The following ZNF532 variants were observed in gnomAD, a reference collection of about 807,000 sequenced individuals.
ZNF532 encodes zinc finger protein 532.
Under a neutral mutation model 89.3 loss-of-function variants are expected in ZNF532, and 22 were observed. That is an observed-to-expected ratio of 0.25 (90% CI 0.18 to 0.35). The LOEUF is 0.35. ZNF532 is among the 10% of genes least tolerant of loss of function. The pLI is 1.00. For missense variants in ZNF532, 1,132 were observed against 1,643.4 expected, an observed-to-expected ratio of 0.69 and a Z score of 5.38; for synonymous variants, 606 against 649.6, an observed-to-expected ratio of 0.93 and a Z score of 1.02.
intron 7 of ZNF532, among the ~76,000 whole-genome samples, chr18:58,972,693 ATCGC>A (rs1236032233): frequency 6.6e-6 from 1 of 151,902 alleles, no homozygotes; most frequent in Non-Finnish European, 1.5e-5. Context: ...TCATTCATTC[ATCGC>A]TCGCCTCTAT....
intron 2 of ZNF532, among the ~76,000 whole-genome samples, chr18:58,887,275 C>T (rs7230679): frequency 0.22 from 34,144 of 152,194 alleles, 4,418 homozygotes; most frequent in Middle Eastern, 0.41. Context: ...TGCAGAACCA[C>T]GGTTTTGAAA....
At chr18:58,916,591 C>A in intron 2 of ZNF532, 3 of 455,886 alleles carry the variant, frequency 6.6e-6, no homozygotes, top group Non-Finnish European at 8.7e-6. Flanking sequence ...ACTTCTTCAG[C>A]TCGGTATTAA....
intron 7 of ZNF532, among the ~76,000 whole-genome samples, chr18:58,968,089 A>G (rs73959548): frequency 0.032 from 4,810 of 152,276 alleles, 278 homozygotes; most frequent in African/African-American, 0.11. Flanking sequence ...CACTTAAGAC[A>G]TTTGTAGTTC....
At chr18:58,979,197 G>C (rs1421219936) in intron 8 of ZNF532, 30 bp downstream of exon 8, 4 of 1,582,304 alleles carry the variant, frequency 2.5e-6, no homozygotes, top group Non-Finnish European at 2.6e-6. Flanking sequence ...GGAACGCAGT[G>C]AGAGGACTCA....
chr18:58,929,485 ATTAGC>A (rs985218159), intron 3 of ZNF532, among the ~76,000 whole-genome samples: 1 of 152,224 alleles, frequency 6.6e-6, no homozygotes, highest in Non-Finnish European at 1.5e-5. Context: ...AAATACCCTT[ATTAGC>A]TGAAGACTTG....
intron 7 of ZNF532, among the ~76,000 whole-genome samples, chr18:58,956,307 G>A (rs1452445019): frequency 6.6e-6 from 1 of 152,192 alleles, no homozygotes; most frequent in Non-Finnish European, 1.5e-5. Context: ...CTTTGAAGGA[G>A]TTGAGGCCCT....
Position 58,918,770 on chromosome 18 carries a change from G to A in ZNF532, c.483G>A (p.Ser161=), listed in dbSNP as rs769202851. The change falls in exon 3 of 10, where the codon TCG becomes TCA. Residue 161 remains serine (S), a synonymous_variant. Transcript: ENST00000591808. The part of the protein sequence containing the change: ...DKEDMRSSFR[S]NVLTGSAPQQ... ...AGGACATGCGATCAAGCTTCAGGTCGAATGTGTTGACGGGGTCGGCTCCCC... is the reference window on the plus strand; with the variant it reads ...AGGACATGCGATCAAGCTTCAGGTCAAATGTGTTGACGGGGTCGGCTCCCC... The A allele has an allele frequency of 2.5e-5, 40 of 1,614,068 alleles. No homozygotes were observed. The highest frequency in any genetic ancestry group is 1.3e-4 in the East Asian group (6 of 44,892).
rs1280107071 is a variant in ZNF532, at chr18:58,985,526, T to C, written c.*1060T>C. The C allele has an allele frequency of 2.0e-5, 3 of 152,594 alleles. No homozygotes were observed. The highest frequency in any genetic ancestry group is 6.5e-5 in the Admixed American group (1 of 15,284). The allele number at this position is 152,594 out of a possible 1,614,324, so 9.5% of individuals were successfully genotyped here. A position where few individuals can be genotyped will look rare whatever the true frequency, so the allele number is the denominator to read the frequency against. On this transcript the variant is annotated 3_prime_UTR_variant, in exon 10 of 10. Coordinates refer to ENST00000591808, the MANE Select transcript of ZNF532 (RefSeq NM_001375912.1). ...ATGCACAACTTCAACCACCGACTTA[T>C]CAATGCAGCCGCCTGTGTATTGCAA...
rs760665831 is a variant in ZNF532, at chr18:58,919,607, C to G, written c.1320C>G (p.Pro440=). The G allele has an allele frequency of 6.8e-6, 11 of 1,614,064 alleles. No individual in the cohort carries two copies. The highest frequency in any genetic ancestry group is 5.3e-5 in the African/African-American group (4 of 74,920). ...CAGTTTCCCCTGCAGAGCTCACCCC[C>G]AAACAGGTCACAATCAAGCCTGTGG... ...TNAVSPAELT[P]KQVTIKPVAT... Residue 440 remains proline (P), a synonymous_variant, in exon 3 of 10, where the codon CCC becomes CCG. Coordinates refer to ENST00000591808, the MANE Select transcript of ZNF532 (RefSeq NM_001375912.1). The surrounding 1 kb of genome is among the most constrained non-coding windows in gnomAD (Gnocchi z 6.1).
intron 7 of ZNF532, among the ~76,000 whole-genome samples, chr18:58,957,960 G>C (rs2064963640): frequency 1.3e-5 from 2 of 151,970 alleles, no homozygotes; most frequent in Admixed American, 1.3e-4. Flanking sequence ...CAGCTATTTG[G>C]GAGGCTGAGG....
intron 2 of ZNF532, among the ~76,000 whole-genome samples, chr18:58,888,736 AT>A (rs2058522487): frequency 1.9e-5 from 1 of 51,352 alleles, no homozygotes; most frequent in African/African-American, 1.2e-4. Context: ...AATTATATAT[AT>A]ATATTTTATA....
chr18:58,964,119 T>A (rs2147263782), intron 7 of ZNF532: 1 of 152,330 alleles, frequency 6.6e-6, no homozygotes, highest in African/African-American at 2.4e-5. Context: ...CTGTTGTCAT[T>A]AGGCATGCCT....
Position 58,984,613 on chromosome 18 carries a change from GT to G in ZNF532, c.*148del. On this transcript the variant is annotated 3_prime_UTR_variant, in exon 10 of 10. Transcript: ENST00000591808. ...TCAATGTACCTTCCTTCACCTCGTC[GT>G]ATATATCCTCGATAAGTATTAAAAC... 1.1e-6 allele frequency: 1 copy of G among 916,404 alleles called. No homozygotes were observed. The highest frequency in any genetic ancestry group is 1.6e-6 in the Non-Finnish European group (1 of 618,720). The allele number at this position is 916,404 out of a possible 1,614,324, so 56.8% of individuals were successfully genotyped here. A position where few individuals can be genotyped will look rare whatever the true frequency, so the allele number is the denominator to read the frequency against.
intron 2 of ZNF532, among the ~76,000 whole-genome samples, chr18:58,911,941 G>T (rs538070102): frequency 6.6e-6 from 1 of 152,152 alleles, no homozygotes; most frequent in South Asian, 2.1e-4. Context: ...TAGGCCGAGT[G>T]GGGGAGGTTG....
chr18:58,886,570 G>C (rs1232512159), intron 2 of ZNF532, among the ~76,000 whole-genome samples: 1 of 152,058 alleles, frequency 6.6e-6, no homozygotes, highest in Non-Finnish European at 1.5e-5. Flanking sequence ...TAAATTTTAT[G>C]CTATGTGTAT....
intron 5 of ZNF532, among the ~76,000 whole-genome samples, chr18:58,941,779 T>C (rs75409980): frequency 0.018 from 2,694 of 152,028 alleles, 49 homozygotes; most frequent in Non-Finnish European, 0.025. Flanking sequence ...TTCTTTTCTT[T>C]TTTCTTCTTT....
chr18:58,888,277 G>A (rs1044451147), intron 2 of ZNF532, among the ~76,000 whole-genome samples: 5 of 152,104 alleles, frequency 3.3e-5, no homozygotes, highest in African/African-American at 9.7e-5. Context: ...TATTAAATCC[G>A]TTAACTCCAT....
chr18:58,960,492 T>C (rs1454209185), intron 7 of ZNF532, among the ~76,000 whole-genome samples: 4 of 152,236 alleles, frequency 2.6e-5, no homozygotes, highest in Admixed American at 6.5e-5. Flanking sequence ...TATCTGACCT[T>C]ACTTGAGCAC....
intron 5 of ZNF532, 157 bp downstream of exon 5, chr18:58,939,778 C>T: frequency 1.8e-6 from 1 of 565,376 alleles, no homozygotes; most frequent in Non-Finnish European, 2.9e-6. Flanking sequence ...ATAGCTCATC[C>T]AAATCTTTCT....
Sources: allele counts gnomAD v4.1 joint callset (sites outside exome capture counted in the v4.1 genomes callset), GRCh38; gene constraint gnomAD v4.1.1; non-coding constraint Gnocchi (gnomAD v3.1); transcripts MANE v1.5; gene names NCBI Gene and HGNC (gene_info 2026-07-23, HGNC 2026-07-21).